KAT7: variants seen among roughly 807,000 people sequenced by gnomAD.
KAT7 encodes the protein histone acetyltransferase KAT7.
Under a neutral mutation model 82.1 loss-of-function variants are expected in KAT7, and 10 were observed. The ratio of observed to expected loss-of-function variants is 0.12; its 90% CI spans 0.08 to 0.21. KAT7 has a LOEUF of 0.21. KAT7 is among the 10% of genes least tolerant of loss of function. The probability of loss-of-function intolerance (pLI) is 1.00; values close to 1 mark genes in which losing one functional copy is unlikely to be tolerated. For missense variants in KAT7, 378 were observed against 760.9 expected (o/e 0.50, Z 5.92); for synonymous variants, 250 against 262.5 (o/e 0.95, Z 0.46).
chr17:49,805,244 C>A, intron 4 of KAT7, 119 bp from the exon 5 acceptor site: 1 of 655,780 alleles, frequency 1.5e-6, no homozygotes, highest in South Asian at 1.9e-5. Context: ...TGGATTCAGT[C>A]TGATCAGACA....
At chr17:49,827,233 G>A in intron 14 of KAT7, 168 bp from the exon 15 acceptor site, 1 of 589,104 alleles carries the variant, frequency 1.7e-6, no homozygotes, top group Non-Finnish European at 3.0e-6. Flanking sequence ...AGGAAGAATG[G>A]ATTAGATAGG....
chr17:49,792,315 T>G (rs547297750), intron 2 of KAT7, among the ~76,000 whole-genome samples: 7 of 152,322 alleles, frequency 4.6e-5, no homozygotes, highest in South Asian at 2.1e-4. Flanking sequence ...TTGTTTGTTT[T>G]TTTAGATCGC....
In KAT7 at chr17:49,811,493, G is replaced by A; in HGVS notation, c.771G>A (p.Gln257=). 1 of 1,532,516 alleles carries A rather than the reference G, an allele frequency of 6.5e-7. No individual in the cohort carries two copies. The allele number at this position is 1,532,516 out of a possible 1,614,324, so 94.9% of individuals were successfully genotyped here. A position where few individuals can be genotyped will look rare whatever the true frequency, so the allele number is the denominator to read the frequency against. Residue 257 remains glutamine, a synonymous_variant, in exon 7 of 15, where the codon CAG becomes CAA. Transcript: ENST00000259021. The part of the protein sequence containing the change: ...ATRHQAPTER[Q]LRYKEKVAEL... ...CCTTTTAGGCACCAACGGAGAGACAGCTTCGATATAAGGAAAAAGTGGCTG... is the reference window on the plus strand; with the variant it reads ...CCTTTTAGGCACCAACGGAGAGACAACTTCGATATAAGGAAAAAGTGGCTG...
chr17:49,831,244 CCAGCCTGGGT>C lies in KAT7; in HGVS notation c.*3743_*3752del, dbSNP rs1290811640. 6.6e-6 allele frequency: 1 copy of C among 152,260 alleles called. No homozygotes were observed. 9.4% of individuals were successfully genotyped at this position (152,260 alleles called of 1,614,324 possible). Reference sequence around the variant, plus strand: ...TGAGCTGAGATGATGCCACTGCACTCCAGCCTGGGTGACAGAGTGAGACCCTGTCTCAAAA... The same window carrying C: ...TGAGCTGAGATGATGCCACTGCACTCGACAGAGTGAGACCCTGTCTCAAAA... On this transcript the variant is annotated 3_prime_UTR_variant, in exon 15 of 15. Coordinates refer to ENST00000259021, the MANE Select transcript of KAT7 (RefSeq NM_007067.5).
At chr17:49,809,867 A>G (rs1021356435) in intron 6 of KAT7, among the ~76,000 whole-genome samples, 6 of 152,202 alleles carry the variant, frequency 3.9e-5, no homozygotes, top group African/African-American at 1.4e-4. Context: ...CCCACCGTTA[A>G]GGAATTTCTT....
At chr17:49,810,504 G>A (rs1457217412) in intron 6 of KAT7, among the ~76,000 whole-genome samples, 2 of 152,144 alleles carry the variant, frequency 1.3e-5, no homozygotes, top group Non-Finnish European at 2.9e-5. Context: ...TAATCCACCT[G>A]CCTTGGCCTC....
intron 7 of KAT7, among the ~76,000 whole-genome samples, chr17:49,813,462 A>T (rs2143937078): frequency 6.6e-6 from 1 of 152,288 alleles, no homozygotes; most frequent in Admixed American, 6.5e-5. Context: ...TCTTAAACAT[A>T]GGGCATGTGA....
intron 4 of KAT7, among the ~76,000 whole-genome samples, chr17:49,800,305 C>T (rs978339336): frequency 3.3e-5 from 5 of 152,196 alleles, no homozygotes; most frequent in Admixed American, 6.5e-5. Context: ...GCCACCACGC[C>T]TGGCCATTTC....
At chr17:49,789,964 C>T (rs2073864095) in intron 1 of KAT7, 1 of 152,032 alleles carries the variant, frequency 6.6e-6, no homozygotes, top group Admixed American at 6.6e-5. Context: ...TTAAATATCT[C>T]GGTAATTAGA....
chr17:49,801,652 G>C (rs112079310), intron 4 of KAT7, among the ~76,000 whole-genome samples: 3,587 of 152,088 alleles, frequency 0.024, 142 homozygotes, highest in African/African-American at 0.081. Context: ...ACCATGCTCA[G>C]CTAATATTTG....
At chr17:49,799,947 A>T (rs959770130) in intron 4 of KAT7, among the ~76,000 whole-genome samples, 2 of 150,998 alleles carry the variant, frequency 1.3e-5, no homozygotes, top group Admixed American at 1.3e-4. Flanking sequence ...TGGGACTACA[A>T]GCGTGAGCCA....
In KAT7 at chr17:49,795,410, C is replaced by T. The variant is rs994703629; in HGVS notation, c.164-1340C>T. ...AGACTTTTCCAGAAGTGCTGGACAT[C>T]GGGCAGCATCTATATCACCTTGAAG... is the stretch of plus-strand genomic sequence containing the variant. On this transcript the variant is annotated intron_variant, in intron 2 of 14. Coordinates refer to ENST00000259021, the MANE Select transcript of KAT7 (RefSeq NM_007067.5). 2.0e-5 allele frequency: 5 copies of T among 248,588 alleles called. No homozygotes were observed. The East Asian group carries it at 3.8e-4, about 19-fold the overall frequency. The allele number at this position is 248,588 out of a possible 1,614,324, so 15.4% of individuals were successfully genotyped here. A position where few individuals can be genotyped will look rare whatever the true frequency, so the allele number is the denominator to read the frequency against.
At chr17:49,822,478 G>A (rs1158135853) in intron 11 of KAT7, among the ~76,000 whole-genome samples, 1 of 152,110 alleles carries the variant, frequency 6.6e-6, no homozygotes, top group African/African-American at 2.4e-5. Context: ...TAATCCACTC[G>A]CCTTAGCCTC....
In KAT7 at chr17:49,791,869, G is replaced by T. The variant is rs2073893630; in HGVS notation, c.16-17G>T. On this transcript the variant is annotated splice_polypyrimidine_tract_variant and intron_variant, in intron 1 of 14. Transcript: ENST00000259021. Reference sequence around the variant, plus strand: ...CCAAATGCTTCTGTGCTAATATCTGGATCTATGGTATTACAGAGGAATGCA... The same window carrying T: ...CCAAATGCTTCTGTGCTAATATCTGTATCTATGGTATTACAGAGGAATGCA... 1.2e-6 allele frequency: 2 copies of T among 1,612,536 alleles called. No homozygotes were observed. The highest frequency in any genetic ancestry group is 1.7e-6 in the Non-Finnish European group (2 of 1,178,798).
In KAT7 at chr17:49,791,836, C is replaced by T. The variant is rs1598048364; in HGVS notation, c.16-50C>T. On this transcript the variant is annotated intron_variant, in intron 1 of 14. Coordinates refer to ENST00000259021, the MANE Select transcript of KAT7 (RefSeq NM_007067.5). The stretch of plus-strand genomic sequence containing the variant: ...GTTTTATTTTCAATGTTAATGCAAA[C>T]TCTCAGACCAAATGCTTCTGTGCTA... 4 of 1,579,992 alleles carry T rather than the reference C, an allele frequency of 2.5e-6. No individual in the cohort carries two copies. The East Asian group carries it at 9.0e-5, about 36-fold the overall frequency.
intron 4 of KAT7, among the ~76,000 whole-genome samples, chr17:49,800,425 C>G (rs2074010485): frequency 6.6e-6 from 1 of 152,090 alleles, no homozygotes; most frequent in Non-Finnish European, 1.5e-5. Context: ...TTCAGGCCTG[C>G]ATTGATTTCC....
chr17:49,788,872 T>G lies in KAT7; in HGVS notation c.15+23T>G, dbSNP rs780361080. On this transcript the variant is annotated intron_variant, in intron 1 of 14. Coordinates refer to ENST00000259021, the MANE Select transcript of KAT7 (RefSeq NM_007067.5). ...AAGGTGAGAAACGGGAGAGGAGGGA[T>G]GGCGGGTTTCTAAGGACAGTCGATT... 7 of 1,577,634 alleles carry G rather than the reference T, an allele frequency of 4.4e-6. No individual in the cohort carries two copies. In the South Asian group the frequency reaches 8.0e-5, roughly 18 times the overall value.
At chr17:49,811,083 A>AT (rs575692865) in intron 6 of KAT7, among the ~76,000 whole-genome samples, 5 of 151,116 alleles carry the variant, frequency 3.3e-5, no homozygotes, top group African/African-American at 4.9e-5. Context: ...TCTCTTTAAA[A>AT]TTTTTTTACA....
At chr17:49,823,453 A>T in intron 12 of KAT7, 158 bp downstream of exon 12, 1 of 592,772 alleles carries the variant, frequency 1.7e-6, no homozygotes, top group East Asian at 2.9e-5. Context: ...GAACATTGTC[A>T]TTCTGCCTAA....
Sources: gnomAD v4.1 joint callset for allele counts (sites outside exome capture counted in the v4.1 genomes callset) on GRCh38, gnomAD v4.1.1 for gene constraint, MANE v1.5 for transcripts, NCBI Gene and HGNC (gene_info 2026-07-23, HGNC 2026-07-21) for gene names.